SPECC1L: variants seen among roughly 807,000 people sequenced by gnomAD.
SPECC1L encodes the protein cytospin-A.
Under a neutral mutation model 116.8 loss-of-function variants are expected in SPECC1L, and 40 were observed. The observed-to-expected ratio is 0.34, with a 90% CI of 0.27 to 0.45. The LOEUF is 0.45. Among genes scored for constraint, SPECC1L ranks in the 20% least tolerant of loss-of-function variants. The pLI, the probability that SPECC1L is intolerant of heterozygous loss-of-function variation, is 1.00. For synonymous variants in SPECC1L, 504 were observed against 500.6 expected (o/e 1.01, Z -0.09); for missense variants, 1,110 against 1,373.6 (o/e 0.81, Z 3.03).
At chr22:24,286,701 C>T (rs2049050166) in intron 2 of SPECC1L, among the ~76,000 whole-genome samples, 1 of 152,090 alleles carries the variant, frequency 6.6e-6, no homozygotes, top group South Asian at 2.1e-4. Flanking sequence ...ATTAACTGAC[C>T]TATCTAGTAA....
At chr22:24,363,993 A>G (rs1008711253) in intron 12 of SPECC1L, among the ~76,000 whole-genome samples, 10 of 152,242 alleles carry the variant, frequency 6.6e-5, no homozygotes, top group East Asian at 5.8e-4. Context: ...GACATGTAAC[A>G]TGGATTGCAT....
intron 1 of SPECC1L, among the ~76,000 whole-genome samples, chr22:24,275,684 T>G (rs189784652): frequency 1.4e-4 from 21 of 152,256 alleles, no homozygotes; most frequent in African/African-American, 4.6e-4. Flanking sequence ...ATACATTGCC[T>G]CTAAAAAGAA....
intron 4 of SPECC1L, among the ~76,000 whole-genome samples, chr22:24,318,762 CTACAAAAAA>C (rs1297550380): frequency 6.6e-6 from 1 of 152,046 alleles, no homozygotes; most frequent in African/African-American, 2.4e-5. Context: ...AACCCCGTCT[CTACAAAAAA>C]TACAAAAATT....
At chr22:24,365,988 G>T (rs2041756538) in intron 13 of SPECC1L, among the ~76,000 whole-genome samples, 1 of 151,988 alleles carries the variant, frequency 6.6e-6, no homozygotes, top group South Asian at 2.1e-4. Flanking sequence ...TAGACAGGGA[G>T]GGTGGGGGGC....
intron 14 of SPECC1L, among the ~76,000 whole-genome samples, chr22:24,402,784 AC>A (rs2042506041): frequency 6.6e-6 from 1 of 152,226 alleles, no homozygotes; most frequent in South Asian, 2.1e-4. Context: ...ATAGACCAGA[AC>A]CTTAATAGCT....
rs144042924 is a variant in SPECC1L, at chr22:24,389,192, C to T, written c.3087+19872C>T. Among the ~76,000 whole-genome samples, 373 of 143,208 alleles carry T rather than the reference C, an allele frequency of 2.6e-3. 1 individual carries two copies. Among genetic ancestry groups the T allele is most frequent in the African/African-American group, 9.2e-3 (350 of 38,062 alleles). 94.0% of individuals were successfully genotyped at this position (143,208 alleles called of 152,430 possible). A position where few individuals can be genotyped will look rare whatever the true frequency, so the allele number is the denominator to read the frequency against. ...GAGCCAATGGTGCGATCTTGGCTTA[C>T]TGCAACCTCTGCCTCCTGGGTTCAA... On this transcript the variant is annotated intron_variant, in intron 14 of 16. Transcript: ENST00000314328.
chr22:24,298,014 T>C (rs1308625729), intron 2 of SPECC1L, among the ~76,000 whole-genome samples: 1 of 152,236 alleles, frequency 6.6e-6, no homozygotes, highest in African/African-American at 2.4e-5. Flanking sequence ...CTTAACTTTA[T>C]CATAGGTGGT....
intron 14 of SPECC1L, among the ~76,000 whole-genome samples, chr22:24,392,105 C>T (rs557062719): frequency 2.3e-4 from 35 of 152,312 alleles, no homozygotes; most frequent in African/African-American, 8.4e-4. Flanking sequence ...TAAGACCATA[C>T]AATTGGCTCT....
chr22:24,416,606 G>GT lies in SPECC1L; in HGVS notation c.*1986dup, dbSNP rs2042805385. ...GATCCAGCTGTCTGGTCATGGTTTGGTTTATTTATTTTGTCCTTCAGGGGC... is the reference window on the plus strand; with the variant it reads ...GATCCAGCTGTCTGGTCATGGTTTGGTTTTATTTATTTTGTCCTTCAGGGGC... On this transcript the variant is annotated 3_prime_UTR_variant, in exon 17 of 17. Coordinates refer to ENST00000314328, the MANE Select transcript of SPECC1L (RefSeq NM_015330.6). 6.6e-6 allele frequency: 1 copy of GT among 152,278 alleles called. No individual in the cohort carries two copies. The highest frequency in any genetic ancestry group is 2.1e-4 in the South Asian group (1 of 4,838). 9.4% of individuals were successfully genotyped at this position (152,278 alleles called of 1,614,324 possible).
At chr22:24,312,799 G>T (rs1041596469) in intron 3 of SPECC1L, among the ~76,000 whole-genome samples, 26 of 152,156 alleles carry the variant, frequency 1.7e-4, no homozygotes, top group South Asian at 1.0e-3. Context: ...AATATATTAT[G>T]CATGTTTTAG....
At chr22:24,412,131 A>G in intron 15 of SPECC1L, 1 of 355,098 alleles carries the variant, frequency 2.8e-6, no homozygotes. Context: ...AGAAACACCA[A>G]CCCTGTGCAC....
intron 14 of SPECC1L, among the ~76,000 whole-genome samples, chr22:24,382,914 T>C (rs2042089164): frequency 1.3e-5 from 2 of 152,060 alleles, no homozygotes; most frequent in African/African-American, 4.8e-5. Flanking sequence ...AAGAGGGTAG[T>C]AAACTCAACA....
At chr22:24,391,745 C>T (rs528541593) in intron 14 of SPECC1L, among the ~76,000 whole-genome samples, 13 of 152,140 alleles carry the variant, frequency 8.5e-5, no homozygotes, top group Admixed American at 7.9e-4. Context: ...GGGCTACTGG[C>T]GGTGGGCAGA....
At chr22:24,303,296 C>A (rs146625854) in intron 3 of SPECC1L, among the ~76,000 whole-genome samples, 160 of 152,298 alleles carry the variant, frequency 1.1e-3, no homozygotes, top group African/African-American at 3.7e-3. Flanking sequence ...GGCTTATTCC[C>A]TTGGCTCGGA....
chr22:24,274,527 A>G (rs1184095639), intron 1 of SPECC1L, among the ~76,000 whole-genome samples: 2 of 152,234 alleles, frequency 1.3e-5, no homozygotes, highest in Non-Finnish European at 2.9e-5. Flanking sequence ...GACTGCTCTC[A>G]GCCACTTCTG....
intron 3 of SPECC1L, among the ~76,000 whole-genome samples, chr22:24,307,089 T>C (rs928164357): frequency 2.0e-5 from 3 of 152,224 alleles, no homozygotes; most frequent in Non-Finnish European, 4.4e-5. Context: ...TTTTGGCTAC[T>C]GTGGATAGTG....
At chr22:24,399,943 A>T (rs1025174241) in intron 14 of SPECC1L, among the ~76,000 whole-genome samples, 13 of 152,242 alleles carry the variant, frequency 8.5e-5, no homozygotes, top group African/African-American at 2.9e-4. Context: ...ATCCATGCTC[A>T]TGCATCATCT....
chr22:24,340,972 T>C (rs2146540045), intron 10 of SPECC1L, among the ~76,000 whole-genome samples: 1 of 152,280 alleles, frequency 6.6e-6, no homozygotes, highest in South Asian at 2.1e-4. Context: ...TTTCAGACAT[T>C]GTACGTAACT....
intron 2 of SPECC1L, among the ~76,000 whole-genome samples, chr22:24,284,011 A>T (rs2048995247): frequency 6.6e-6 from 1 of 152,042 alleles, no homozygotes; most frequent in Non-Finnish European, 1.5e-5. Context: ...CTAGAGGTTT[A>T]TCAGTTTTCT....
Sources: allele counts gnomAD v4.1 joint callset (sites outside exome capture counted in the v4.1 genomes callset), GRCh38; gene constraint gnomAD v4.1.1; transcripts MANE v1.5; gene names NCBI Gene and HGNC (gene_info 2026-07-23, HGNC 2026-07-21).